SCRG1: variants seen among roughly 807,000 people sequenced by gnomAD.
SCRG1 encodes scrapie-responsive protein 1.
A neutral mutation model predicts 7.7 loss-of-function variants in SCRG1; 3 were observed. The observed-to-expected ratio is 0.39, with a 90% CI of 0.18 to 1.01. The LOEUF is 1.01. SCRG1 is among the 50% of genes least tolerant of loss of function. The pLI is 0.36. For synonymous variants in SCRG1, 46 were observed against 41.2 expected (o/e 1.12, Z -0.44); for missense variants, 110 against 117.2 (o/e 0.94, Z 0.28).
chr4:173,404,673 G>A lies in SCRG1; in HGVS notation c.-747-241C>T, dbSNP rs117485415. Among the ~76,000 whole-genome samples, 64 of 152,158 alleles carry A rather than the reference G, an allele frequency of 4.2e-4. 1 individual carries two copies. The East Asian group carries it at 7.6e-3, about 18-fold the overall frequency. ...GTACCATGAATGATATTGCAGTGTCGCTGAAGGCAAAGTTCAGCAACTGAT... is the reference window on the plus strand; with the variant it reads ...GTACCATGAATGATATTGCAGTGTCACTGAAGGCAAAGTTCAGCAACTGAT... On this transcript the variant is annotated intron_variant and NMD_transcript_variant, in intron 1 of 8. Transcript: ENST00000512188.
chr4:173,421,300 A>G, the SCRG1 span, among the ~76,000 whole-genome samples: 1 of 152,198 alleles, frequency 6.6e-6, no homozygotes, highest in Admixed American at 6.5e-5. Context: ...GAAGTGAACA[A>G]TGTCAAAGAT....
upstream of SCRG1, among the ~76,000 whole-genome samples, chr4:173,406,580 G>A (rs2126925252): frequency 6.6e-6 from 1 of 152,208 alleles, no homozygotes; most frequent in South Asian, 2.1e-4. Flanking sequence ...TTATGATACA[G>A]AATAGTCTCT....
At chr4:173,474,552 A>G in the SCRG1 span, among the ~76,000 whole-genome samples, 5 of 152,198 alleles carry the variant, frequency 3.3e-5, no homozygotes, top group African/African-American at 1.2e-4. Flanking sequence ...TTTTGTGATT[A>G]TTTACTGATC....
chr4:173,445,669 AT>A, the SCRG1 span, among the ~76,000 whole-genome samples: 316 of 140,566 alleles, frequency 2.2e-3, no homozygotes, highest in South Asian at 9.3e-3. Flanking sequence ...CTTTAAGGAT[AT>A]TTTTTTTTTT....
chr4:173,453,977 C>T, the SCRG1 span, among the ~76,000 whole-genome samples: 1 of 151,734 alleles, frequency 6.6e-6, no homozygotes, highest in South Asian at 2.1e-4. Flanking sequence ...ACTCGGGAGG[C>T]TGAGGCAGGA....
chr4:173,490,196 A>G, the SCRG1 span, among the ~76,000 whole-genome samples: 3 of 152,354 alleles, frequency 2.0e-5, no homozygotes, highest in African/African-American at 7.2e-5. Flanking sequence ...TAGATATTCC[A>G]GGCTGCAGGA....
upstream of SCRG1, among the ~76,000 whole-genome samples, chr4:173,402,643 C>A (rs1739791019): frequency 6.6e-6 from 1 of 152,118 alleles, no homozygotes; most frequent in African/African-American, 2.4e-5. Flanking sequence ...CACCTGGGAG[C>A]TCATGCATTC....
At chr4:173,402,400 ACATT>A (rs1245763921), upstream of SCRG1, among the ~76,000 whole-genome samples, 1 of 152,046 alleles carries the variant, frequency 6.6e-6, no homozygotes, top group African/African-American at 2.4e-5. Flanking sequence ...TTAAGCAATT[ACATT>A]CAAAGTACTG....
the SCRG1 span, chr4:173,468,570 T>G: frequency 6.6e-6 from 1 of 152,198 alleles, no homozygotes; most frequent in Non-Finnish European, 1.5e-5. Flanking sequence ...ACATCAGACA[T>G]GGATGGCTGC....
At chr4:173,483,838 A>ATGATATATG in the SCRG1 span, among the ~76,000 whole-genome samples, 530 of 13,584 alleles carry the variant, frequency 0.039, 47 homozygotes, top group Non-Finnish European at 0.085. Context: ...TATAATATAT[A>ATGATATATG]ATATATAATA....
At chr4:173,516,306 G>A in the SCRG1 span, among the ~76,000 whole-genome samples, 3 of 152,198 alleles carry the variant, frequency 2.0e-5, no homozygotes, top group Non-Finnish European at 2.9e-5. Context: ...TTTTGTCTAG[G>A]CCAGATTAGC....
the SCRG1 span, among the ~76,000 whole-genome samples, chr4:173,461,619 A>G: frequency 6.6e-6 from 1 of 152,232 alleles, no homozygotes; most frequent in Admixed American, 6.5e-5. Context: ...GATAGTAAAG[A>G]CTACAATAAA....
chr4:173,506,941 C>T, the SCRG1 span, among the ~76,000 whole-genome samples: 4 of 152,198 alleles, frequency 2.6e-5, no homozygotes, highest in African/African-American at 9.6e-5. This position sits in a 1 kb window ranked among gnomAD's most constrained non-coding sequence, Gnocchi z 5.3. Flanking sequence ...CTCCGCTCGC[C>T]GTCATCAAGC....
At chr4:173,451,643 TTTA>T in the SCRG1 span, among the ~76,000 whole-genome samples, 5 of 86,156 alleles carry the variant, frequency 5.8e-5, no homozygotes, top group Middle Eastern at 5.2e-3. Context: ...ATTTTATTTA[TTTA>T]TTTATTTATT....
the SCRG1 span, among the ~76,000 whole-genome samples, chr4:173,460,165 A>C: frequency 6.6e-6 from 1 of 152,218 alleles, no homozygotes; most frequent in South Asian, 2.1e-4. Flanking sequence ...TTTTAACTTC[A>C]TATCACTGAA....
the SCRG1 span, among the ~76,000 whole-genome samples, chr4:173,416,907 CCCAA>C: frequency 1.6e-4 from 18 of 112,894 alleles, no homozygotes; most frequent in Non-Finnish European, 2.5e-4. Flanking sequence ...CACACACACA[CCCAA>C]ACACACACAC....
the SCRG1 span, among the ~76,000 whole-genome samples, chr4:173,507,867 G>A: frequency 6.6e-6 from 1 of 152,230 alleles, no homozygotes; most frequent in Non-Finnish European, 1.5e-5. This position sits in a 1 kb window ranked among gnomAD's most constrained non-coding sequence, Gnocchi z 4.4. Context: ...GTGAAATACT[G>A]TGGGAAAACG....
the SCRG1 span, among the ~76,000 whole-genome samples, chr4:173,494,060 G>A: frequency 1.3e-5 from 2 of 152,116 alleles, no homozygotes; most frequent in Admixed American, 1.3e-4. Context: ...CCTCAAAGCC[G>A]CCCTTTTACA....
the SCRG1 span, among the ~76,000 whole-genome samples, chr4:173,482,935 A>T: frequency 2.9e-5 from 4 of 136,582 alleles, no homozygotes; most frequent in Non-Finnish European, 6.1e-5. Flanking sequence ...AATATATTAT[A>T]TATGAAATAT....
Sources: gnomAD v4.1 joint callset for allele counts (sites outside exome capture counted in the v4.1 genomes callset) on GRCh38, gnomAD v4.1.1 for gene constraint, Gnocchi (gnomAD v3.1) non-coding constraint, MANE v1.5 for transcripts, NCBI Gene and HGNC (gene_info 2026-07-23, HGNC 2026-07-21) for gene names.